DAPK2: variants seen among roughly 807,000 people sequenced by gnomAD.
DAPK2 encodes the protein death-associated protein kinase 2.
A neutral mutation model predicts 44.1 loss-of-function variants in DAPK2; 35 were observed. The observed-to-expected ratio is 0.79, with a 90% CI of 0.61 to 1.05. The LOEUF is 1.05. DAPK2 is among the 50% of genes least tolerant of loss of function. The pLI is 0.00. For synonymous variants in DAPK2, 174 were observed against 182.6 expected (o/e 0.95, Z 0.38); for missense variants, 453 against 483.2 (o/e 0.94, Z 0.59).
Position 63,980,055 on chromosome 15 carries a change from T to G in DAPK2, c.314+3478A>C, listed in dbSNP as rs1198704552. 6.6e-6 allele frequency among the ~76,000 whole-genome samples: 1 copy of G among 152,064 alleles called. No homozygotes were observed. Among genetic ancestry groups the G allele is most frequent in the African/African-American group, 2.4e-5 (1 of 41,390 alleles). ...CTCCAATCTCATAAATTCTTAGCAGTCCATAGACAGGCACCCTGAGAACAA... is the reference window on the plus strand; with the variant it reads ...CTCCAATCTCATAAATTCTTAGCAGGCCATAGACAGGCACCCTGAGAACAA... On this transcript the variant is annotated intron_variant, in intron 2 of 10. Transcript: ENST00000261891. The surrounding 1 kb of genome is among the most constrained non-coding windows in gnomAD (Gnocchi z 4.3).
At chr15:63,927,789 G>A (rs563620582) in intron 6 of DAPK2, among the ~76,000 whole-genome samples, 10 of 151,554 alleles carry the variant, frequency 6.6e-5, no homozygotes, top group African/African-American at 2.2e-4. Context: ...TGCCCAGGAC[G>A]GAGTGCAGTG....
rs138421422 is a variant in DAPK2 at position 63,945,748 on chromosome 15, G to C, written c.454-6387C>G. On this transcript the variant is annotated intron_variant, in intron 3 of 10. Transcript: ENST00000261891. ...GCCCCCCAACTGTAAGTCAGGCAGT[G>C]GATGGCATCCAAAGCCCCTTCAAGC... 2.4e-3 allele frequency among the ~76,000 whole-genome samples: 361 copies of C among 152,326 alleles called. 1 individual carries two copies. The highest frequency in any genetic ancestry group is 8.3e-3 in the African/African-American group (344 of 41,570).
At chr15:63,913,231 A>G (rs2078841884) in intron 8 of DAPK2, among the ~76,000 whole-genome samples, 1 of 152,206 alleles carries the variant, frequency 6.6e-6, no homozygotes, top group African/African-American at 2.4e-5. Context: ...ACTAAAGGGT[A>G]TGACATTTCT....
At chr15:63,970,890 C>T (rs916641431) in intron 3 of DAPK2, among the ~76,000 whole-genome samples, 14 of 152,084 alleles carry the variant, frequency 9.2e-5, no homozygotes, top group African/African-American at 3.4e-4. Context: ...ATCAGTGGCC[C>T]CTACAAGCAG....
chr15:63,971,829 T>C (rs2078221643), intron 2 of DAPK2, among the ~76,000 whole-genome samples: 1 of 152,206 alleles, frequency 6.6e-6, no homozygotes. Context: ...TAGGCCCTGG[T>C]CCCAGTCACC....
chr15:64,010,678 T>C (rs897402214), intron 1 of DAPK2, among the ~76,000 whole-genome samples: 16 of 152,274 alleles, frequency 1.1e-4, no homozygotes, highest in South Asian at 2.1e-4. Context: ...GGTCTCTCAT[T>C]TGTCTACCCA....
intron 10 of DAPK2, 169 bp downstream of exon 11, chr15:63,911,739 C>T (rs1247734620): frequency 1.9e-5 from 13 of 699,778 alleles, no homozygotes; most frequent in Non-Finnish European, 3.2e-5. Flanking sequence ...AGAACACACT[C>T]CTCTGAAGAT....
rs1287278752 is a variant in DAPK2, at chr15:64,046,141, C to T, written c.-7+157G>A. 2.6e-5 allele frequency among the ~76,000 whole-genome samples: 4 copies of T among 152,148 alleles called. No homozygotes were observed. In the East Asian group the frequency reaches 5.8e-4, roughly 22 times the overall value. On this transcript the variant is annotated intron_variant, in intron 1 of 11. Transcript: ENST00000457488. This position sits in a 1 kb window ranked among gnomAD's most constrained non-coding sequence, Gnocchi z 5.3. ...CCGCGCTCGGGTGCCGGCCACAATG[C>T]CCCGGGCCACGGCGTCAGGCATTGG...
upstream of DAPK2, among the ~76,000 whole-genome samples, chr15:64,040,619 T>TA (rs202079084): frequency 1.3e-4 from 20 of 151,344 alleles, no homozygotes; most frequent in Middle Eastern, 3.4e-3. Context: ...GTACAGTTTT[T>TA]AAAAAAAAAT....
At chr15:63,922,925 T>G (rs2079121347) in intron 8 of DAPK2, 3 of 1,535,814 alleles carry the variant, frequency 2.0e-6, no homozygotes, top group African/African-American at 2.7e-5. Flanking sequence ...AATCTCAAAC[T>G]GGGCTTGCAG....
intron 1 of DAPK2, among the ~76,000 whole-genome samples, chr15:64,036,303 G>GTATATATATATA (rs1225495882): frequency 2.1e-5 from 1 of 48,634 alleles, no homozygotes; most frequent in Non-Finnish European, 6.1e-5. Context: ...GTGTGTGTGT[G>GTATATATATATA]TGTGTGTATA....
At position 63,912,064 on chromosome 15, in the gene DAPK2, C is replaced by G; in HGVS notation, c.948+44G>C. ...GACCCTGGAGAGCCAGAAACCCCGCCCTAGCCCCCACCCTGTCCCCCGCCG... is the reference window on the plus strand; with the variant it reads ...GACCCTGGAGAGCCAGAAACCCCGCGCTAGCCCCCACCCTGTCCCCCGCCG... On this transcript the variant is annotated intron_variant, in intron 9 of 10. Coordinates refer to ENST00000261891, the Ensembl canonical transcript of DAPK2. The surrounding 1 kb of genome is among the most constrained non-coding windows in gnomAD (Gnocchi z 4.4). The G allele has an allele frequency of 6.3e-7, 1 of 1,575,266 alleles. No individual in the cohort carries two copies. The highest frequency in any genetic ancestry group is 1.3e-5 in the African/African-American group (1 of 74,246).
chr15:64,024,581 T>A (rs1449824919), intron 1 of DAPK2, among the ~76,000 whole-genome samples: 1 of 152,198 alleles, frequency 6.6e-6, no homozygotes, highest in Non-Finnish European at 1.5e-5. Flanking sequence ...GAGCTCACAG[T>A]GGCAGAGCCA....
chr15:63,988,094 G>C (rs574819141), intron 1 of DAPK2, among the ~76,000 whole-genome samples: 2 of 152,106 alleles, frequency 1.3e-5, no homozygotes, highest in East Asian at 1.9e-4. Context: ...CCCCGCTTCT[G>C]CCAGCACACT....
chr15:63,987,067 T>A (rs995386795), intron 1 of DAPK2, among the ~76,000 whole-genome samples: 1 of 152,232 alleles, frequency 6.6e-6, no homozygotes, highest in Non-Finnish European at 1.5e-5. Flanking sequence ...CCAGTCTAAC[T>A]GCTGTGTTAT....
intron 3 of DAPK2, among the ~76,000 whole-genome samples, chr15:63,941,445 C>T (rs9920718): frequency 0.028 from 4,247 of 152,280 alleles, 201 homozygotes; most frequent in African/African-American, 0.093. Context: ...TGCATCTTTG[C>T]CCCTGCAATG....
chr15:63,953,586 G>A (rs893589195), intron 3 of DAPK2, among the ~76,000 whole-genome samples: 3 of 152,198 alleles, frequency 2.0e-5, no homozygotes, highest in African/African-American at 7.2e-5. Flanking sequence ...AAACACACAA[G>A]TGCAGATATT....
At chr15:64,007,395 C>T (rs753362445) in intron 1 of DAPK2, among the ~76,000 whole-genome samples, 8 of 152,048 alleles carry the variant, frequency 5.3e-5, no homozygotes, top group African/African-American at 1.9e-4. Flanking sequence ...CTTCCTCTCC[C>T]CTATCATGGC....
At chr15:63,958,180 T>G (rs929737780) in intron 3 of DAPK2, among the ~76,000 whole-genome samples, 2 of 152,194 alleles carry the variant, frequency 1.3e-5, no homozygotes, top group African/African-American at 4.8e-5. Flanking sequence ...TTCATATCCT[T>G]TGTGCACTTT....
Sources: allele counts gnomAD v4.1 joint callset (sites outside exome capture counted in the v4.1 genomes callset), GRCh38; gene constraint gnomAD v4.1.1; non-coding constraint Gnocchi (gnomAD v3.1); transcripts MANE v1.5; gene names NCBI Gene and HGNC (gene_info 2026-07-23, HGNC 2026-07-21).